DPP6: variants seen among roughly 807,000 people sequenced by gnomAD.
DPP6 encodes dipeptidyl peptidase like 6.
A neutral mutation model predicts 122.6 loss-of-function variants in DPP6; 69 were observed. That is an observed-to-expected ratio of 0.56 (90% CI 0.46 to 0.69). The LOEUF (loss-of-function observed/expected upper bound fraction) is 0.69, where lower values mean the gene tolerates loss of function less well. Among genes scored for constraint, DPP6 ranks in the 30% least tolerant of loss-of-function variants. DPP6 has a pLI of 0.00. For synonymous variants in DPP6, 418 were observed against 433.1 expected (o/e 0.97, Z 0.43); for missense variants, 928 against 1,116.9 (o/e 0.83, Z 2.41).
rs139152037 is a variant in DPP6, at chr7:154,242,381, A to AGTGT, written c.243+189333_243+189336dup. Among the ~76,000 whole-genome samples, 1,137 of 150,310 alleles carry AGTGT rather than the reference A, an allele frequency of 7.6e-3. 19 individuals carry two copies. The highest frequency in any genetic ancestry group is 9.2e-3 in the African/African-American group (379 of 41,010). On this transcript the variant is annotated intron_variant, in intron 1 of 25. Coordinates refer to ENST00000377770, the MANE Select transcript of DPP6 (RefSeq NM_130797.4). Reference sequence around the variant, plus strand: ...GTAACACTGACTTTAAGAGGCAATGAGTGTGTGTGTGTGTGTGTATGTGTG... The same window carrying AGTGT: ...GTAACACTGACTTTAAGAGGCAATGAGTGTGTGTGTGTGTGTGTGTGTATGTGTG...
chr7:154,197,719 C>G (rs745935761), intron 1 of DPP6, among the ~76,000 whole-genome samples: 18 of 152,164 alleles, frequency 1.2e-4, no homozygotes, highest in Non-Finnish European at 2.5e-4. Context: ...CCAAGATGCT[C>G]ATTTGTTCTT....
chr7:154,613,619 CAAAAAAAAAAAAAAAAAAA>C (rs749561005), intron 5 of DPP6, among the ~76,000 whole-genome samples: 5 of 51,830 alleles, frequency 9.6e-5, no homozygotes, highest in African/African-American at 3.7e-4. Flanking sequence ...GACTCTGTCT[CAAAAAAAAAAAAAAAAAAA>C]AAAAAAAAAA....
intron 7 of DPP6, among the ~76,000 whole-genome samples, chr7:154,684,640 G>A (rs949736264): frequency 6.6e-6 from 1 of 152,180 alleles, no homozygotes; most frequent in African/African-American, 2.4e-5. Context: ...GCCACCACAT[G>A]GGTCCCAATT....
chr7:154,344,343 T>C (rs1404288560), intron 1 of DPP6, among the ~76,000 whole-genome samples: 1 of 152,154 alleles, frequency 6.6e-6, no homozygotes, highest in Non-Finnish European at 1.5e-5. Flanking sequence ...ATCAGAGAAA[T>C]GCAAATCAAA....
intron 1 of DPP6, among the ~76,000 whole-genome samples, chr7:154,184,074 T>C (rs946649078): frequency 2.0e-5 from 3 of 152,028 alleles, no homozygotes; most frequent in Non-Finnish European, 4.4e-5. Context: ...TCCACAAACA[T>C]GGATAGGAAG....
At chr7:154,388,987 G>C (rs1038474360) in intron 1 of DPP6, among the ~76,000 whole-genome samples, 2 of 152,068 alleles carry the variant, frequency 1.3e-5, no homozygotes, top group Admixed American at 6.5e-5. Context: ...TCAGTCCCCT[G>C]AGCGTTTTGA....
chr7:154,581,032 G>A (rs1016051319), intron 5 of DPP6, among the ~76,000 whole-genome samples: 7 of 151,968 alleles, frequency 4.6e-5, no homozygotes, highest in African/African-American at 1.5e-4. Context: ...CTCCCAGACT[G>A]TTTTTTCTGC....
rs931776941 is a variant in DPP6, at chr7:154,282,760, A to G, written c.244-163454A>G. 6.6e-6 allele frequency among the ~76,000 whole-genome samples: 1 copy of G among 152,246 alleles called. No homozygotes were observed. The highest frequency in any genetic ancestry group is 2.4e-5 in the African/African-American group (1 of 41,470). Reference sequence around the variant, plus strand: ...TATAACAAACAAATTTAAAAAAAGTATGTATATTTGGGTAGATAAATATAG... The same window carrying G: ...TATAACAAACAAATTTAAAAAAAGTGTGTATATTTGGGTAGATAAATATAG... On this transcript the variant is annotated intron_variant, in intron 1 of 25. Coordinates refer to ENST00000377770, the MANE Select transcript of DPP6 (RefSeq NM_130797.4). This position sits in a 1 kb window ranked among gnomAD's most constrained non-coding sequence, Gnocchi z 4.8.
chr7:154,246,672 C>T (rs2150886814), intron 1 of DPP6, among the ~76,000 whole-genome samples: 1 of 152,200 alleles, frequency 6.6e-6, no homozygotes, highest in African/African-American at 2.4e-5. Context: ...GTGGCATTAG[C>T]ATAAGAAAAG....
At chr7:154,615,743 C>T (rs984561323) in intron 5 of DPP6, among the ~76,000 whole-genome samples, 4 of 152,068 alleles carry the variant, frequency 2.6e-5, no homozygotes, top group African/African-American at 4.8e-5. Flanking sequence ...TCATCATCCA[C>T]AACAGAAACT....
chr7:154,275,054 A>T (rs571366972), intron 1 of DPP6, among the ~76,000 whole-genome samples: 2 of 152,342 alleles, frequency 1.3e-5, no homozygotes, highest in African/African-American at 2.4e-5. Flanking sequence ...TGTCATGCTC[A>T]GGGCAGCACC....
chr7:154,048,820 T>C (rs1388330462), upstream of DPP6, among the ~76,000 whole-genome samples: 1 of 125,068 alleles, frequency 8.0e-6, no homozygotes, highest in Non-Finnish European at 1.8e-5. Context: ...CTAAACTCAA[T>C]GGATGTACTT....
At chr7:153,934,676 T>G (rs1490527673) in intron 1 of DPP6, among the ~76,000 whole-genome samples, 1 of 152,080 alleles carries the variant, frequency 6.6e-6, no homozygotes, top group Non-Finnish European at 1.5e-5. Flanking sequence ...GAGCAGACAC[T>G]CACAGCTGTC....
At chr7:154,063,845 T>G (rs10226961) in intron 1 of DPP6, among the ~76,000 whole-genome samples, 52,121 of 148,778 alleles carry the variant, frequency 0.35, 9,477 homozygotes, top group East Asian at 0.56. Context: ...AAGTGCATGA[T>G]AGTCTGCATG....
At chr7:154,568,386 C>T (rs1023483334) in intron 5 of DPP6, among the ~76,000 whole-genome samples, 8 of 152,238 alleles carry the variant, frequency 5.3e-5, no homozygotes, top group African/African-American at 1.9e-4. Context: ...AGGTTATCCT[C>T]CTAGAGAATC....
intron 1 of DPP6, among the ~76,000 whole-genome samples, chr7:154,320,197 G>A (rs780352572): frequency 5.3e-5 from 8 of 151,954 alleles, no homozygotes; most frequent in East Asian, 1.9e-4. Flanking sequence ...AATATTTTAC[G>A]TTTGTTTTTT....
At chr7:153,947,095 C>A (rs1014156468) in intron 1 of DPP6, among the ~76,000 whole-genome samples, 2 of 152,162 alleles carry the variant, frequency 1.3e-5, no homozygotes, top group Non-Finnish European at 2.9e-5. Flanking sequence ...AAAATAAAAT[C>A]TCTTGCACTC....
rs56178380 is a variant in DPP6 at position 153,987,558 on chromosome 7, A to AT, written c.51+99835dup. On this transcript the variant is annotated intron_variant, in intron 1 of 25. Coordinates refer to the DPP6 transcript ENST00000404039. ...AAGTGGGAAGAAATGAATTCAAACC[A>AT]TTTTTTTTTTTCCCTCAGAAAACTA... 5.6e-3 allele frequency among the ~76,000 whole-genome samples: 828 copies of AT among 148,780 alleles called. 5 individuals carry two copies. Among genetic ancestry groups the AT allele is most frequent in the African/African-American group, 0.019 (759 of 40,502 alleles).
intron 1 of DPP6, among the ~76,000 whole-genome samples, chr7:153,944,446 CGAGAAGAGCGT>C (rs1354680385): frequency 6.6e-6 from 1 of 152,064 alleles, no homozygotes; most frequent in Non-Finnish European, 1.5e-5. Context: ...GGGAAGGCAG[CGAGAAGAGCGT>C]GTTGGGGACT....
Sources: gnomAD v4.1 joint callset for allele counts (sites outside exome capture counted in the v4.1 genomes callset) on GRCh38, gnomAD v4.1.1 for gene constraint, Gnocchi (gnomAD v3.1) non-coding constraint, MANE v1.5 for transcripts, NCBI Gene and HGNC (gene_info 2026-07-23, HGNC 2026-07-21) for gene names.